The following FAM53A variants were observed in gnomAD, a reference collection of about 807,000 sequenced individuals.
FAM53A encodes the protein protein FAM53A.
In FAM53A, 28 loss-of-function variants were observed where a neutral mutation model predicts 26.6. The ratio of observed to expected loss-of-function variants is 1.05; its 90% CI spans 0.78 to 1.45. The LOEUF is 1.45. Among genes scored for constraint, FAM53A ranks in the 40% most tolerant of loss-of-function variants. The pLI is 0.00. For missense variants in FAM53A, 650 were observed against 575.8 expected, an observed-to-expected ratio of 1.13 and a Z score of -1.32; for synonymous variants, 290 against 253.1, an observed-to-expected ratio of 1.15 and a Z score of -1.38.
chr4:1,650,154 G>A (rs1224448261), intron 4 of FAM53A, among the ~76,000 whole-genome samples: 8 of 133,586 alleles, frequency 6.0e-5, no homozygotes, highest in African/African-American at 1.2e-4. Context: ...TGGCACAGGC[G>A]TGGTGTTTGT....
chr4:1,590,398 TCCC>T, the FAM53A span, among the ~76,000 whole-genome samples: 2 of 152,120 alleles, frequency 1.3e-5, no homozygotes, highest in Non-Finnish European at 2.9e-5. Context: ...GCCCGGGTGC[TCCC>T]TCATTTGATG....
At chr4:1,612,093 G>A in the FAM53A span, among the ~76,000 whole-genome samples, 1 of 152,116 alleles carries the variant, frequency 6.6e-6, no homozygotes, top group Non-Finnish European at 1.5e-5. Context: ...AATTGAATGG[G>A]TTTAAATTTG....
At chr4:1,619,696 T>A (rs1714944826) in intron 1 of FAM53A, among the ~76,000 whole-genome samples, 1 of 152,064 alleles carries the variant, frequency 6.6e-6, no homozygotes, top group Non-Finnish European at 1.5e-5. Flanking sequence ...TGTCTTTTAC[T>A]ACAGATCCCA....
chr4:1,672,555 C>T (rs546874326), intron 1 of FAM53A, among the ~76,000 whole-genome samples: 44 of 152,266 alleles, frequency 2.9e-4, no homozygotes, highest in South Asian at 6.2e-4. Context: ...CAAGATGCAT[C>T]CATGATGCTG....
intron 4 of FAM53A, among the ~76,000 whole-genome samples, chr4:1,652,623 ACAC>A (rs1348404243): frequency 3.5e-5 from 5 of 143,638 alleles, no homozygotes; most frequent in Non-Finnish European, 7.6e-5. Flanking sequence ...ACACACACAC[ACAC>A]CAGACACACC....
intron 4 of FAM53A, among the ~76,000 whole-genome samples, chr4:1,654,443 C>G (rs1376574106): frequency 4.6e-5 from 7 of 152,260 alleles, no homozygotes; most frequent in Admixed American, 4.6e-4. Flanking sequence ...GGTGAAGGCT[C>G]TCTCCTACAT....
In FAM53A at chr4:1,655,129, G is replaced by T. The variant is rs115785763; in HGVS notation, c.731C>A (p.Thr244Lys). Residue 244 changes from threonine to lysine, a missense_variant, in exon 4 of 5, where the codon ACG (threonine) becomes AAG (lysine). Thr to Lys is a moderately conservative substitution (Grantham distance 78, BLOSUM62 -1). Coordinates refer to ENST00000308132, the MANE Select transcript of FAM53A (RefSeq NM_001174070.3). ...GCGCCCGCCCAGCGCAGGCGTGGAC[G>T]TGGGGCTGCTGCTGGCCCAGGGCAG... ...TPLPWASSSP[T>K]STPALGGRRG... 1.9e-6 allele frequency: 3 copies of T among 1,592,942 alleles called. No individual in the cohort carries two copies. The highest frequency in any genetic ancestry group is 1.7e-6 in the Non-Finnish European group (2 of 1,170,670).
In FAM53A at chr4:1,657,401, T is replaced by C. The variant is rs2895461; in HGVS notation, c.136+7A>G. 958,536 of 1,610,816 alleles carry C rather than the reference T, an allele frequency of 0.6. 291,466 individuals are homozygous for C. Among genetic ancestry groups the C allele is most frequent in the African/African-American group, 0.9 (67,169 of 74,966 alleles). On this transcript the variant is annotated splice_region_variant and intron_variant, in intron 3 of 4. Coordinates refer to ENST00000308132, the MANE Select transcript of FAM53A (RefSeq NM_001174070.3). ...AGGCCTCCGGCCACAGCTCCTAAAGTGCTCACCGTTGAGCTCCAAAGGGAA... is the reference window on the plus strand; with the variant it reads ...AGGCCTCCGGCCACAGCTCCTAAAGCGCTCACCGTTGAGCTCCAAAGGGAA...
chr4:1,657,314 A>T (rs550368510), intron 3 of FAM53A, 94 bp downstream of exon 3: 1 of 1,173,650 alleles, frequency 8.5e-7, no homozygotes, highest in African/African-American at 1.6e-5. Flanking sequence ...GCTTCTGCAG[A>T]TCCGGCTCAT....
rs757416715 is a variant in FAM53A, at chr4:1,655,480, G to T, written c.380C>A (p.Pro127His). The T allele has an allele frequency of 1.3e-5, 20 of 1,575,678 alleles. No individual in the cohort carries two copies. Among genetic ancestry groups the T allele is most frequent in the Non-Finnish European group, 1.7e-5 (20 of 1,159,488 alleles). The change falls in exon 4 of 5, where the codon CCC becomes CAC. Residue 127 changes from proline to histidine, a missense_variant. Pro to His is a moderately conservative substitution (Grantham distance 77). Coordinates refer to ENST00000308132, the MANE Select transcript of FAM53A (RefSeq NM_001174070.3). ...TKRHCRSLSE[P>H]EELVRCRSPW... ...GGACCGGCAGCGCACAAGCTCCTCG[G>T]GTTCTGACAAGGACCGGCAATGCCG... is the stretch of plus-strand genomic sequence containing the variant.
At chr4:1,629,367 G>A (rs1240343172) in intron 1 of FAM53A, among the ~76,000 whole-genome samples, 1 of 152,222 alleles carries the variant, frequency 6.6e-6, no homozygotes, top group East Asian at 1.9e-4. Flanking sequence ...AGACCACCCG[G>A]CAGCTGGGCC....
At chr4:1,663,363 C>A (rs1397290436) in intron 2 of FAM53A, among the ~76,000 whole-genome samples, 1 of 152,226 alleles carries the variant, frequency 6.6e-6, no homozygotes, top group African/African-American at 2.4e-5. Context: ...TGAAGACCTA[C>A]TTCCACACAG....
At chr4:1,683,525 C>T (rs1715600858) in intron 1 of FAM53A, 1 of 152,248 alleles carries the variant, frequency 6.6e-6, no homozygotes, top group Admixed American at 6.5e-5. Flanking sequence ...CCCTTGGCAC[C>T]AGCCACGAGC....
downstream of FAM53A, chr4:1,639,757 C>T (rs1711520271): frequency 6.6e-6 from 1 of 152,306 alleles, no homozygotes; most frequent in South Asian, 2.1e-4. Flanking sequence ...CAAAACCACA[C>T]CACTCGCCAC....
the FAM53A span, among the ~76,000 whole-genome samples, chr4:1,576,473 C>T: frequency 6.6e-6 from 1 of 152,208 alleles, no homozygotes; most frequent in African/African-American, 2.4e-5. Flanking sequence ...TTTACGGGGC[C>T]GCGCTTGACT....
chr4:1,634,135 G>A (rs899229870), intron 1 of FAM53A, among the ~76,000 whole-genome samples: 3 of 152,152 alleles, frequency 2.0e-5, no homozygotes, highest in Admixed American at 6.5e-5. Context: ...CTGGCTGTCC[G>A]GGAAACTGGA....
chr4:1,641,475 T>C lies in FAM53A; in HGVS notation c.1015A>G (p.Ser339Gly), dbSNP rs747415692. 4.3e-6 allele frequency: 7 copies of C among 1,614,170 alleles called. No individual in the cohort carries two copies. The highest frequency in any genetic ancestry group is 1.3e-5 in the African/African-American group (1 of 75,054). The stretch of plus-strand genomic sequence containing the variant: ...GGGCTGGTCCTGAGGCCCCTCTGGC[T>C]GCAGCCAGGCATGGTGATGCCAGGG... ...GLPGITMPGC[S>G]QRGLRTSPVH... The change falls in exon 5 of 5, where the codon AGC becomes GGC. Residue 339 changes from serine (S) to glycine (G), a missense_variant. Physicochemically the swap from Ser to Gly is moderately conservative, Grantham distance 56. Coordinates refer to ENST00000308132, the MANE Select transcript of FAM53A (RefSeq NM_001174070.3).
In FAM53A at chr4:1,630,475, C is replaced by T. The variant is rs1032995240; in HGVS notation, c.432-12364G>A. ...GGCCGCGGTTTGCCGACCCCCAACTCATGGATCACGTGTCACGAATCGTGT... is the reference window on the plus strand; with the variant it reads ...GGCCGCGGTTTGCCGACCCCCAACTTATGGATCACGTGTCACGAATCGTGT... On this transcript the variant is annotated intron_variant, in intron 1 of 1. Transcript: ENST00000489029. This position sits in a 1 kb window ranked among gnomAD's most constrained non-coding sequence, Gnocchi z 4.3. Among the ~76,000 whole-genome samples, 12 of 152,242 alleles carry T rather than the reference C, an allele frequency of 7.9e-5. No individual in the cohort carries two copies. The highest frequency in any genetic ancestry group is 2.7e-4 in the African/African-American group (11 of 41,456).
At chr4:1,644,419 G>C in intron 4 of FAM53A, 3 of 1,499,716 alleles carry the variant, frequency 2.0e-6, no homozygotes, top group Non-Finnish European at 2.7e-6. Flanking sequence ...TCTGCCCACA[G>C]ACACGGCAGC....
Sources: gnomAD v4.1 joint callset for allele counts (sites outside exome capture counted in the v4.1 genomes callset) on GRCh38, gnomAD v4.1.1 for gene constraint, Gnocchi (gnomAD v3.1) non-coding constraint, MANE v1.5 for transcripts, NCBI Gene and HGNC (gene_info 2026-07-23, HGNC 2026-07-21) for gene names.